DCDC1: variants seen among roughly 807,000 people sequenced by gnomAD.
DCDC1 encodes the protein doublecortin domain containing 1, also known as doublecortin domain-containing protein 1.
Under a neutral mutation model 178.3 loss-of-function variants are expected in DCDC1, and 200 were observed. The observed-to-expected ratio is 1.12, with a 90% CI of 1.00 to 1.26. The LOEUF (loss-of-function observed/expected upper bound fraction) is 1.26. Among genes scored for constraint, DCDC1 ranks in the 50% most tolerant of loss-of-function variants. The pLI is 0.00. For missense variants in DCDC1, 1,983 were observed against 1,749.2 expected (o/e 1.13, Z -2.38); for synonymous variants, 690 against 604.8 (o/e 1.14, Z -2.07).
intron 17 of DCDC1, among the ~76,000 whole-genome samples, chr11:31,089,548 GA>G (rs1255407313): frequency 6.6e-6 from 1 of 150,646 alleles, no homozygotes; most frequent in Non-Finnish European, 1.5e-5. Flanking sequence ...TAACCTGTCA[GA>G]GACTATAAAT....
At chr11:31,114,505 G>A (rs1485060061) in intron 11 of DCDC1, among the ~76,000 whole-genome samples, 1 of 152,114 alleles carries the variant, frequency 6.6e-6, no homozygotes, top group Non-Finnish European at 1.5e-5. Context: ...TATGAAATGG[G>A]TGATCTGGAT....
rs145957720 is a variant in DCDC1, at chr11:30,900,371, A to G, written c.4638T>C (p.Cys1546=). The change falls in exon 33 of 39, where the codon TGT becomes TGC. Residue 1546 remains cysteine (C), a synonymous_variant. Coordinates refer to ENST00000684477, the MANE Select transcript of DCDC1 (RefSeq NM_001387274.1). ...CATTTGGAGGTAGAAATGGTTCACC[A>G]CAAGACACCCAGATGGCAATAGGAT... ...LRNPIAIWVS[C]GEPFLPPNAL... The G allele has an allele frequency of 1.0e-4, 161 of 1,564,946 alleles. No homozygotes were observed. Among genetic ancestry groups the G allele is most frequent in the Non-Finnish European group, 1.4e-4 (159 of 1,154,654 alleles).
chr11:31,003,072 C>T (rs1185711519), intron 20 of DCDC1, among the ~76,000 whole-genome samples: 1 of 149,610 alleles, frequency 6.7e-6, no homozygotes, highest in Non-Finnish European at 1.5e-5. Flanking sequence ...ATTTGGATGG[C>T]CACACATATC....
intron 9 of DCDC1, among the ~76,000 whole-genome samples, chr11:31,192,637 T>C (rs1462700519): frequency 6.6e-6 from 1 of 152,104 alleles, no homozygotes; most frequent in African/African-American, 2.4e-5. Flanking sequence ...GGAAAATGTG[T>C]CATTCCCTTC....
intron 17 of DCDC1, among the ~76,000 whole-genome samples, chr11:31,090,096 C>T (rs1053653135): frequency 6.6e-6 from 1 of 152,216 alleles, no homozygotes; most frequent in African/African-American, 2.4e-5. Context: ...AGTCTGCGTA[C>T]AGTTCCATAC....
chr11:31,145,561 C>T (rs1364486288), intron 9 of DCDC1, among the ~76,000 whole-genome samples: 1 of 152,164 alleles, frequency 6.6e-6, no homozygotes, highest in African/African-American at 2.4e-5. Context: ...TTCTTTGATT[C>T]AGATAATTAC....
At chr11:31,261,350 T>A (rs911473113) in intron 8 of DCDC1, among the ~76,000 whole-genome samples, 9 of 152,190 alleles carry the variant, frequency 5.9e-5, no homozygotes, top group Admixed American at 5.2e-4. Flanking sequence ...CAAACCCTAG[T>A]TTCCCCATAT....
At chr11:30,895,108 C>G (rs759225557) in intron 34 of DCDC1, among the ~76,000 whole-genome samples, 10 of 152,178 alleles carry the variant, frequency 6.6e-5, no homozygotes, top group Non-Finnish European at 1.3e-4. Context: ...AAGATATACT[C>G]AGCCCACATT....
Position 30,972,937 on chromosome 11 carries a change from T to C in DCDC1, c.2592-20369A>G, listed in dbSNP as rs370436270. 2.7e-3 allele frequency among the ~76,000 whole-genome samples: 405 copies of C among 152,232 alleles called. 18 individuals carry two copies. In the South Asian group the frequency reaches 0.082, roughly 31 times the overall value. Reference sequence around the variant, plus strand: ...GTTTAAAATCATCCCCCTGGTGCTGTCCTCTTGTTAAGAGTTCTCACAACA... The same window carrying C: ...GTTTAAAATCATCCCCCTGGTGCTGCCCTCTTGTTAAGAGTTCTCACAACA... On this transcript the variant is annotated intron_variant, in intron 20 of 38. Coordinates refer to ENST00000684477, the MANE Select transcript of DCDC1 (RefSeq NM_001387274.1).
At chr11:30,950,472 T>C (rs1375524723) in intron 21 of DCDC1, among the ~76,000 whole-genome samples, 1 of 152,114 alleles carries the variant, frequency 6.6e-6, no homozygotes, top group Admixed American at 6.5e-5. Context: ...CATCAACAGA[T>C]GAATGGACAA....
At chr11:31,368,557 C>T (rs1952087745) in intron 1 of DCDC1, among the ~76,000 whole-genome samples, 1 of 152,114 alleles carries the variant, frequency 6.6e-6, no homozygotes. Flanking sequence ...ATGACAAAAC[C>T]CTGTGGAGAA....
intron 17 of DCDC1, among the ~76,000 whole-genome samples, chr11:31,081,498 T>C (rs1394751635): frequency 6.6e-6 from 1 of 151,914 alleles, no homozygotes; most frequent in Non-Finnish European, 1.5e-5. Flanking sequence ...CAATCCCAGC[T>C]ACTCGGGAGG....
chr11:30,906,261 C>T, intron 30 of DCDC1: 1 of 296,216 alleles, frequency 3.4e-6, no homozygotes, highest in Non-Finnish European at 6.2e-6. Context: ...ACTTCCTCAC[C>T]TAAAAGCAAC....
intron 21 of DCDC1, among the ~76,000 whole-genome samples, chr11:30,939,839 G>A (rs1325227326): frequency 1.3e-5 from 2 of 152,036 alleles, no homozygotes; most frequent in Non-Finnish European, 2.9e-5. Context: ...CTTATATTCT[G>A]AAATATTTGT....
rs2134127056 is a variant in DCDC1, at chr11:30,903,614, T to G, written c.4378A>C (p.Thr1460Pro). The G allele has an allele frequency of 6.2e-7, 1 of 1,611,578 alleles. No homozygotes were observed. Among genetic ancestry groups the G allele is most frequent in the East Asian group, 2.2e-5 (1 of 44,816 alleles). The change falls in exon 32 of 39, where the codon ACC becomes CCC. Residue 1460 changes from threonine (T) to proline (P), a missense_variant. Thr to Pro is a conservative substitution (Grantham distance 38). Coordinates refer to ENST00000684477, the MANE Select transcript of DCDC1 (RefSeq NM_001387274.1). ...AASKVYTKDG[T>P]PIFTLRDLVL... ...AAATCACGCAAGGTAAAGATTGGGG[T>G]TCCATCTTTGGTATATACTTTGGAG...
Position 31,040,723 on chromosome 11 carries a change from T to C in DCDC1, c.2591+23746A>G, listed in dbSNP as rs150498463. On this transcript the variant is annotated intron_variant, in intron 20 of 38. Transcript: ENST00000684477. ...GCTAAAATACAAGGTAATCTTATAG[T>C]TGACTTTATCAGTTAGCCACACTTC... is the stretch of plus-strand genomic sequence containing the variant. Among the ~76,000 whole-genome samples, 899 of 152,336 alleles carry C rather than the reference T, an allele frequency of 5.9e-3. 12 individuals are homozygous for C. The highest frequency in any genetic ancestry group is 0.021 in the African/African-American group (861 of 41,580).
intron 32 of DCDC1, 103 bp downstream of exon 32, chr11:30,903,379 A>C (rs1590298808): frequency 8.4e-7 from 1 of 1,187,946 alleles, no homozygotes; most frequent in East Asian, 2.8e-5. Flanking sequence ...GCTTCCTATG[A>C]TTTTGAAATT....
At chr11:31,156,096 G>T (rs1277598918) in intron 9 of DCDC1, 2 of 152,028 alleles carry the variant, frequency 1.3e-5, no homozygotes, top group African/African-American at 2.4e-5. Context: ...TACTTTTTAG[G>T]CTTTGCACAC....
intron 8 of DCDC1, among the ~76,000 whole-genome samples, chr11:31,254,866 T>C (rs551164259): frequency 5.3e-5 from 8 of 152,198 alleles, no homozygotes; most frequent in Admixed American, 1.3e-4. Context: ...ATTCAAAATG[T>C]GCAACCACCA....
Sources: allele counts gnomAD v4.1 joint callset (sites outside exome capture counted in the v4.1 genomes callset), GRCh38; gene constraint gnomAD v4.1.1; transcripts MANE v1.5; gene names NCBI Gene and HGNC (gene_info 2026-07-23, HGNC 2026-07-21).